The following PAPOLA variants were observed in gnomAD, a reference collection of about 807,000 sequenced individuals.
PAPOLA encodes polynucleotide adenylyltransferase alpha.
Under a neutral mutation model 100.6 loss-of-function variants are expected in PAPOLA, and 15 were observed. The ratio of observed to expected loss-of-function variants is 0.15; its 90% CI spans 0.10 to 0.23. PAPOLA has a LOEUF of 0.23. PAPOLA is among the 10% of genes least tolerant of loss of function. The pLI, the probability that PAPOLA is intolerant of heterozygous loss-of-function variation, is 1.00. For synonymous variants in PAPOLA, 293 were observed against 300.0 expected (o/e 0.98, Z 0.24); for missense variants, 533 against 884.2 (o/e 0.60, Z 5.04).
intron 17 of PAPOLA, chr14:96,553,227 T>G (rs1011059110): frequency 6.6e-5 from 10 of 152,140 alleles, no homozygotes; most frequent in Non-Finnish European, 1.0e-4. Flanking sequence ...AGTGAAAAAT[T>G]TTCAGCCAGG....
At chr14:96,535,292 A>C (rs1899419684) in intron 10 of PAPOLA, 5 of 983,786 alleles carry the variant, frequency 5.1e-6, no homozygotes, top group Non-Finnish European at 6.0e-6. Context: ...TCCGAACCTC[A>C]AGGCATTTAC....
intron 1 of PAPOLA, among the ~76,000 whole-genome samples, chr14:96,511,883 A>G (rs1897130535): frequency 6.6e-6 from 1 of 152,240 alleles, no homozygotes; most frequent in African/African-American, 2.4e-5. Context: ...CTTTGGATTT[A>G]CTATTTCTAG....
rs1491489544 is a variant in PAPOLA, at chr14:96,509,985, T to TTTTA, written c.8+7385_8+7386insTTTA. On this transcript the variant is annotated intron_variant, in intron 1 of 21. Transcript: ENST00000216277. The stretch of plus-strand genomic sequence containing the variant: ...AGTTGCTTTTTTTTTTTTTTTTTTT[T>TTTTA]AATCTTTGGATTGTATGTAGGCCTG... Among the ~76,000 whole-genome samples the TTTTA allele has an allele frequency of 2.1e-3, 309 of 148,984 alleles. 2 individuals are homozygous for TTTTA. The highest frequency in any genetic ancestry group is 7.3e-3 in the African/African-American group (294 of 40,310).
Position 96,565,792 on chromosome 14 carries a change from C to CT in PAPOLA, c.*743dup, listed in dbSNP as rs1164099088. On this transcript the variant is annotated 3_prime_UTR_variant, in exon 22 of 22. Coordinates refer to ENST00000216277, the MANE Select transcript of PAPOLA (RefSeq NM_032632.5). ...ATTTTTCTTTGAGCTTGTGAAAGCTCTGTGTTCTTTTGCCTTCAATCTGTT... is the reference window on the plus strand; with the variant it reads ...ATTTTTCTTTGAGCTTGTGAAAGCTCTTGTGTTCTTTTGCCTTCAATCTGTT... The CT allele has an allele frequency of 1.0e-5, 4 of 398,134 alleles. No homozygotes were observed. Among genetic ancestry groups the CT allele is most frequent in the African/African-American group, 8.2e-5 (4 of 48,610 alleles). The allele number at this position is 398,134 out of a possible 1,614,324, so 24.7% of individuals were successfully genotyped here. A position where few individuals can be genotyped will look rare whatever the true frequency, so the allele number is the denominator to read the frequency against.
At chr14:96,548,514 A>T (rs1900573420) in intron 16 of PAPOLA, among the ~76,000 whole-genome samples, 1 of 152,140 alleles carries the variant, frequency 6.6e-6, no homozygotes, top group Non-Finnish European at 1.5e-5. Context: ...TAGTGGACAG[A>T]TACAAATTAC....
In PAPOLA at chr14:96,559,573, C is replaced by CTA. The variant is rs1314142161; in HGVS notation, c.2005-1075_2005-1074insAT. On this transcript the variant is annotated intron_variant, in intron 19 of 21. Coordinates refer to ENST00000216277, the MANE Select transcript of PAPOLA (RefSeq NM_032632.5). The stretch of plus-strand genomic sequence containing the variant: ...AACCTCTCTCTCTCTCTCTCTCTCT[C>CTA]TCTCTCTCTATATATATATATATAC... Among the ~76,000 whole-genome samples the CTA allele has an allele frequency of 6.9e-5, 8 of 116,636 alleles. No homozygotes were observed. In the South Asian group the frequency reaches 9.3e-4, roughly 14 times the overall value. The allele number at this position is 116,636 out of a possible 152,430, so 76.5% of individuals were successfully genotyped here. A position where few individuals can be genotyped will look rare whatever the true frequency, so the allele number is the denominator to read the frequency against.
At chr14:96,547,264 A>T (rs1269343224) in intron 15 of PAPOLA, among the ~76,000 whole-genome samples, 1 of 151,994 alleles carries the variant, frequency 6.6e-6, no homozygotes, top group East Asian at 1.9e-4. Flanking sequence ...AAATAATTTG[A>T]ATTTATTTAA....
intron 7 of PAPOLA, 123 bp downstream of exon 7, chr14:96,531,709 A>G: frequency 6.6e-7 from 1 of 1,515,826 alleles, no homozygotes; most frequent in Non-Finnish European, 8.8e-7. Flanking sequence ...AGTTAAATAA[A>G]ATGAACTTTG....
chr14:96,522,447 C>G (rs1898083629), intron 3 of PAPOLA, among the ~76,000 whole-genome samples: 1 of 151,654 alleles, frequency 6.6e-6, no homozygotes, highest in Middle Eastern at 3.4e-3. Context: ...GGGTCTCCCT[C>G]TTGCCCAGAC....
intron 2 of PAPOLA, among the ~76,000 whole-genome samples, chr14:96,520,624 T>G (rs1385332680): frequency 1.3e-5 from 2 of 152,192 alleles, no homozygotes; most frequent in African/African-American, 2.4e-5. Flanking sequence ...TCTCCCAAAG[T>G]GTTGGGATTA....
intron 1 of PAPOLA, among the ~76,000 whole-genome samples, chr14:96,505,994 C>T (rs377073219): frequency 3.0e-4 from 45 of 152,262 alleles, no homozygotes; most frequent in African/African-American, 1.1e-3. Context: ...ACCTCCACCT[C>T]CCGGGTTCAA....
At chr14:96,518,786 G>A (rs187754923) in intron 1 of PAPOLA, among the ~76,000 whole-genome samples, 42 of 152,130 alleles carry the variant, frequency 2.8e-4, no homozygotes, top group African/African-American at 7.2e-4. Context: ...GTTGGGCATG[G>A]TGGCCCATGC....
intron 10 of PAPOLA, 46 bp from the exon 11 acceptor site, chr14:96,535,832 TG>T (rs1899477078): frequency 7.0e-7 from 1 of 1,420,574 alleles, no homozygotes; most frequent in East Asian, 2.6e-5. Flanking sequence ...CCCAAGTATC[TG>T]TTGCATATGT....
At chr14:96,514,853 A>G (rs747432238) in intron 1 of PAPOLA, among the ~76,000 whole-genome samples, 7 of 152,234 alleles carry the variant, frequency 4.6e-5, no homozygotes, top group Admixed American at 6.5e-5. Flanking sequence ...CAAGAATAAT[A>G]TAACTAGTGG....
Position 96,532,315 on chromosome 14 carries a change from T to A in PAPOLA, c.608-16T>A. 4.4e-6 allele frequency: 7 copies of A among 1,592,144 alleles called. No homozygotes were observed. The highest frequency in any genetic ancestry group is 6.0e-6 in the Non-Finnish European group (7 of 1,172,586). Reference sequence around the variant, plus strand: ...GTGTGTGTGTGTGTGTGTTTTTTTTTACCCCTATTAATTAGGTTGCAGGGT... The same window carrying A: ...GTGTGTGTGTGTGTGTGTTTTTTTTAACCCCTATTAATTAGGTTGCAGGGT... On this transcript the variant is annotated splice_polypyrimidine_tract_variant and intron_variant, in intron 7 of 21. Coordinates refer to ENST00000216277, the MANE Select transcript of PAPOLA (RefSeq NM_032632.5).
chr14:96,525,358 T>C lies in PAPOLA; in HGVS notation c.298T>C (p.Phe100Leu). The change falls in exon 4 of 22, where the codon TTT becomes CTT. Residue 100 changes from phenylalanine to leucine, a missense_variant. This residue lies in a region of PAPOLA where 54 missense variants were observed against 133.2 expected (regional missense o/e 0.41). Transcript: ENST00000216277. The stretch of plus-strand genomic sequence containing the variant: ...AAATGTTGGAGGAAAAATTTTTACA[T>C]TTGGATCTTACAGATTAGGAGTGCA... ...IENVGGKIFT[F>L]GSYRLGVHTK... 6.6e-7 allele frequency: 1 copy of C among 1,514,396 alleles called. No individual in the cohort carries two copies. The highest frequency in any genetic ancestry group is 9.1e-7 in the Non-Finnish European group (1 of 1,100,674). The allele number at this position is 1,514,396 out of a possible 1,614,324, so 93.8% of individuals were successfully genotyped here. A position where few individuals can be genotyped will look rare whatever the true frequency, so the allele number is the denominator to read the frequency against.
chr14:96,544,047 AC>A, intron 14 of PAPOLA, 101 bp from the exon 15 acceptor site: 1 of 688,800 alleles, frequency 1.5e-6, no homozygotes, highest in South Asian at 1.8e-5. Context: ...GTTTGCTCAT[AC>A]ATTTGTATTG....
intron 12 of PAPOLA, among the ~76,000 whole-genome samples, chr14:96,541,075 G>A (rs1899946182): frequency 6.6e-6 from 1 of 152,076 alleles, no homozygotes; most frequent in Admixed American, 6.5e-5. Flanking sequence ...ATTTTTAGTA[G>A]AGACGGAGTT....
intron 1 of PAPOLA, chr14:96,503,028 C>A (rs1375672723): frequency 1.6e-5 from 3 of 187,910 alleles, no homozygotes; most frequent in African/African-American, 7.0e-5. Flanking sequence ...CCCCTCGGGC[C>A]CATTCGATGT....
Sources: gnomAD v4.1 joint callset for allele counts (sites outside exome capture counted in the v4.1 genomes callset) on GRCh38, gnomAD v4.1.1 for gene constraint, gnomAD v4.1.1 regional missense constraint, MANE v1.5 for transcripts, NCBI Gene and HGNC (gene_info 2026-07-23, HGNC 2026-07-21) for gene names.